Variants in TUBGCP6 observed in about 807,000 individuals in gnomAD.
TUBGCP6 encodes gamma-tubulin complex component 6.
TUBGCP6 carries 161 observed loss-of-function variants against 175.8 expected under a neutral mutation model. The observed-to-expected ratio is 0.92, with a 90% confidence interval of 0.81 to 1.04. TUBGCP6 has a LOEUF of 1.04. Ranked by LOEUF, TUBGCP6 falls within the 50% of genes least tolerant of loss-of-function variation. The pLI, the probability that TUBGCP6 is intolerant of heterozygous loss-of-function variation, is 0.00. For synonymous variants in TUBGCP6, 1,173 were observed against 1,030.5 expected (o/e 1.14, Z -2.65); for missense variants, 2,572 against 2,433.0 (o/e 1.06, Z -1.20).
chr22:50,224,449 T>C (rs2064575250), intron 11 of TUBGCP6, 29 bp from the exon 12 acceptor site: 3 of 1,613,980 alleles, frequency 1.9e-6, no homozygotes, highest in Non-Finnish European at 2.5e-6. Flanking sequence ...GGGCGCACTG[T>C]CACAAGGAGG....
Position 50,240,215 on chromosome 22 carries a change from C to A in TUBGCP6, c.894G>T (p.Glu298Asp). 1.2e-6 allele frequency: 2 copies of A among 1,613,862 alleles called. No individual in the cohort carries two copies. The change falls in exon 2 of 25, where the codon GAG becomes GAT. Residue 298 changes from glutamate to aspartate, a missense_variant. Glu to Asp is a conservative substitution (Grantham distance 45). Coordinates refer to ENST00000248846, the MANE Select transcript of TUBGCP6 (RefSeq NM_020461.4). ...AGAAGGGCACACACCAGCCAACTCG[C>A]TCCCAGCACCTCCGCTTGCTGGCCT... ...TYEASKRRCW[E>D]RVGCPPGHRE...
chr22:50,226,862 TG>T lies in TUBGCP6; in HGVS notation c.1492-21del, dbSNP rs1223115596. The T allele has an allele frequency of 1.3e-6, 2 of 1,566,888 alleles. No individual in the cohort carries two copies. Among genetic ancestry groups the T allele is most frequent in the African/African-American group, 1.3e-5 (1 of 74,166 alleles). Reference sequence around the variant, plus strand: ...CACGCCCTGCAGACCGCAAAGGGGGTGGGGGGCAGCTCAGCGCACCCAGCGC... The same window carrying T: ...CACGCCCTGCAGACCGCAAAGGGGGTGGGGGCAGCTCAGCGCACCCAGCGC... On this transcript the variant is annotated intron_variant, in intron 6 of 24. Coordinates refer to ENST00000248846, the MANE Select transcript of TUBGCP6 (RefSeq NM_020461.4).
Position 50,217,700 on chromosome 22 carries a change from A to C in TUBGCP6, c.*36T>G. 9 of 1,595,294 alleles carry C rather than the reference A, an allele frequency of 5.6e-6. No individual in the cohort carries two copies. The highest frequency in any genetic ancestry group is 7.7e-6 in the Non-Finnish European group (9 of 1,166,432). ...GAGAGAGCTGCAGACAGGGTCCGAG[A>C]ACACCTTTATTGTGCACGTCCCCCG... On this transcript the variant is annotated 3_prime_UTR_variant, in exon 25 of 25. Coordinates refer to ENST00000248846, the MANE Select transcript of TUBGCP6 (RefSeq NM_020461.4).
chr22:50,233,769 A>C (rs960017868), intron 2 of TUBGCP6, among the ~76,000 whole-genome samples: 1 of 152,030 alleles, frequency 6.6e-6, no homozygotes, highest in Non-Finnish European at 1.5e-5. Flanking sequence ...GTTCCAGGGC[A>C]CCTTCCTGGG....
At chr22:50,234,584 CGT>C (rs2147203690) in intron 2 of TUBGCP6, among the ~76,000 whole-genome samples, 1 of 141,028 alleles carries the variant, frequency 7.1e-6, no homozygotes, top group South Asian at 2.4e-4. Context: ...CCCACACCCC[CGT>C]CCACGGCAGC....
intron 14 of TUBGCP6, 36 bp from the exon 15 acceptor site, chr22:50,222,138 G>A (rs751389830): frequency 3.4e-5 from 55 of 1,603,796 alleles, no homozygotes; most frequent in South Asian, 4.4e-5. Context: ...TGGCCAAGCC[G>A]GAGTCAAGCA....
At chr22:50,236,150 TTTTGAGACGGAGTCTCGCTCTGTC>T (rs1200132278) in intron 2 of TUBGCP6, among the ~76,000 whole-genome samples, 1 of 152,090 alleles carries the variant, frequency 6.6e-6, no homozygotes, top group Non-Finnish European at 1.5e-5. Context: ...CAATTTTTTT[TTTTGAGACGGAGTCTCGCTCTGTC>T]ACCCAGGCTG....
At chr22:50,240,879 C>T (rs908971413) in intron 1 of TUBGCP6, among the ~76,000 whole-genome samples, 1 of 152,154 alleles carries the variant, frequency 6.6e-6, no homozygotes, top group African/African-American at 2.4e-5. Context: ...GTCCCAGCTA[C>T]TCGGGAGGCT....
In TUBGCP6 at chr22:50,220,957, G is replaced by T; in HGVS notation, c.3402C>A (p.His1134Gln). The part of the protein sequence containing the change: ...VAPTRPRWNT[H>Q]GHVSNASIRV... Reference sequence around the variant, plus strand: ...TGATGCTGGCGTTGGACACGTGCCCGTGGGTATTCCACCGTGGCCTGGTGG... The same window carrying T: ...TGATGCTGGCGTTGGACACGTGCCCTTGGGTATTCCACCGTGGCCTGGTGG... Residue 1134 changes from histidine to glutamine, a missense_variant, in exon 16 of 25, where the codon CAC (histidine) becomes CAA (glutamine). Physicochemically the swap from His to Gln is conservative, Grantham distance 24. Coordinates refer to ENST00000248846, the MANE Select transcript of TUBGCP6 (RefSeq NM_020461.4). The T allele has an allele frequency of 6.2e-7, 1 of 1,604,028 alleles. No individual in the cohort carries two copies. Among genetic ancestry groups the T allele is most frequent in the Non-Finnish European group, 8.5e-7 (1 of 1,174,972 alleles).
rs941884324 is a variant in TUBGCP6 at position 50,227,898 on chromosome 22, G to T, written c.1412+9C>A. The T allele has an allele frequency of 5.7e-6, 9 of 1,573,054 alleles. No individual in the cohort carries two copies. In the East Asian group the frequency reaches 1.2e-4, roughly 20 times the overall value. The stretch of plus-strand genomic sequence containing the variant: ...AAGTCCCCTGCTCAGCCGCCATGCT[G>T]AGGCTCACCTGAGCTGCCGGCCAAG... On this transcript the variant is annotated intron_variant, in intron 5 of 24. Transcript: ENST00000248846.
intron 2 of TUBGCP6, among the ~76,000 whole-genome samples, chr22:50,237,220 G>A (rs2064788177): frequency 6.6e-6 from 1 of 152,216 alleles, no homozygotes; most frequent in African/African-American, 2.4e-5. Flanking sequence ...CAGCAGGGGC[G>A]AGTGGCCCCC....
intron 17 of TUBGCP6, 30 bp from the exon 18 acceptor site, chr22:50,219,821 C>G: frequency 1.9e-6 from 3 of 1,608,424 alleles, no homozygotes; most frequent in Non-Finnish European, 2.6e-6. Context: ...AGAACCACCT[C>G]CCCACTGCAC....
intron 1 of TUBGCP6, among the ~76,000 whole-genome samples, chr22:50,243,316 C>A (rs2064863296): frequency 6.6e-6 from 1 of 152,052 alleles, no homozygotes; most frequent in Admixed American, 6.6e-5. Flanking sequence ...GGCGTGGTGG[C>A]ATGCACCTAA....
At chr22:50,241,608 A>G (rs2064839445) in intron 1 of TUBGCP6, among the ~76,000 whole-genome samples, 1 of 152,196 alleles carries the variant, frequency 6.6e-6, no homozygotes, top group Non-Finnish European at 1.5e-5. Flanking sequence ...GCAGTAGCAA[A>G]TTAGTGAAAG....
intron 2 of TUBGCP6, among the ~76,000 whole-genome samples, chr22:50,234,715 CCCT>C (rs2064745852): frequency 2.0e-5 from 3 of 148,610 alleles, no homozygotes; most frequent in Admixed American, 6.7e-5. Flanking sequence ...CATCCACACC[CCCT>C]GTCCACGGCA....
In TUBGCP6 at chr22:50,244,400, C is replaced by T. The variant is rs776295377; in HGVS notation, c.60G>A (p.Lys20=). The T allele has an allele frequency of 6.2e-7, 1 of 1,613,182 alleles. No homozygotes were observed. Among genetic ancestry groups the T allele is most frequent in the Non-Finnish European group, 8.5e-7 (1 of 1,180,006 alleles). ...TCACACTGCGCTGGCCCAGGTGAGT[C>T]TTGGCAGCCGGCAGGAGGGCCTCAC... ...DLCEALLPAA[K]THLGQRSVNR... The change falls in exon 1 of 25, where the codon AAG becomes AAA. Residue 20 remains lysine, a synonymous_variant. Transcript: ENST00000248846.
chr22:50,225,139 A>G (rs2064587060), intron 10 of TUBGCP6, among the ~76,000 whole-genome samples: 1 of 140,304 alleles, frequency 7.1e-6, no homozygotes, highest in Non-Finnish European at 1.5e-5. Flanking sequence ...CGGCTCTCAC[A>G]GAGACATCTG....
At chr22:50,225,722 C>A in intron 10 of TUBGCP6, 72 bp downstream of exon 10, 1 of 1,541,034 alleles carries the variant, frequency 6.5e-7, no homozygotes, top group Non-Finnish European at 8.7e-7. Context: ...TCATGTCCGC[C>A]CCACCAACCT....
At position 50,229,514 on chromosome 22, in the gene TUBGCP6, T is replaced by C. The variant is rs2064662245; in HGVS notation, c.1180A>G (p.Ser394Gly). Reference sequence around the variant, plus strand: ...TCGGCCACTTCCGAGAGCAGGCTGCTGATGCTCTCGGGAGACGCTCCTGAC... The same window carrying C: ...TCGGCCACTTCCGAGAGCAGGCTGCCGATGCTCTCGGGAGACGCTCCTGAC... ...HVSGASPESI[S>G]SLLSEVAEYG... The change falls in exon 4 of 25, where the codon AGC (serine) becomes GGC (glycine). Residue 394 changes from serine to glycine, a missense_variant. Transcript: ENST00000248846. The C allele has an allele frequency of 2.5e-6, 4 of 1,609,164 alleles. No homozygotes were observed. The African/African-American group carries it at 4.0e-5, about 16-fold the overall frequency.
Sources: allele counts gnomAD v4.1 joint callset (sites outside exome capture counted in the v4.1 genomes callset), GRCh38; gene constraint gnomAD v4.1.1; transcripts MANE v1.5; gene names NCBI Gene and HGNC (gene_info 2026-07-23, HGNC 2026-07-21).